The following PSTPIP2 variants were observed in gnomAD, a reference collection of about 807,000 sequenced individuals.
The protein encoded by PSTPIP2 is proline-serine-threonine phosphatase-interacting protein 2.
PSTPIP2 carries 33 observed loss-of-function variants against 63.3 expected under a neutral mutation model. The observed-to-expected ratio is 0.52, with a 90% CI of 0.40 to 0.70. PSTPIP2 has a LOEUF of 0.70. Ranked by LOEUF, PSTPIP2 falls within the 30% of genes least tolerant of loss-of-function variation. PSTPIP2 has a pLI of 0.00. For missense variants in PSTPIP2, 312 were observed against 400.7 expected (o/e 0.78, Z 1.89); for synonymous variants, 125 against 132.7 (o/e 0.94, Z 0.40).
intron 2 of PSTPIP2, among the ~76,000 whole-genome samples, chr18:46,033,591 A>T (rs1017681066): frequency 1.3e-5 from 2 of 151,566 alleles, no homozygotes; most frequent in African/African-American, 4.9e-5. Context: ...CCAGGTACTT[A>T]GGAGGCTGAG....
chr18:46,011,384 G>A, intron 4 of PSTPIP2, 97 bp from the exon 5 acceptor site: 1 of 961,182 alleles, frequency 1.0e-6, no homozygotes. Context: ...CAAAATACTG[G>A]AGTAAGTGGT....
chr18:45,993,667 A>T lies in PSTPIP2; in HGVS notation c.679T>A (p.Phe227Ile). Reference protein sequence around the residue: ...EAQECERINFFRNALWLHVNQ... With the variant: ...EAQECERINFIRNALWLHVNQ... ...ACATGTAACCACAATGCATTCCGGA[A>T]GAAGTTTATTCGTTCACATTCTTGA... The change falls in exon 10 of 15, where the codon TTC (phenylalanine) becomes ATC (isoleucine). Residue 227 changes from phenylalanine (F) to isoleucine (I), a missense_variant. Phe to Ile is a conservative substitution (Grantham distance 21). Coordinates refer to ENST00000409746, the MANE Select transcript of PSTPIP2 (RefSeq NM_024430.4). 2 of 1,614,202 alleles carry T rather than the reference A, an allele frequency of 1.2e-6. No homozygotes were observed. The highest frequency in any genetic ancestry group is 4.5e-5 in the East Asian group (2 of 44,880).
intron 1 of PSTPIP2, among the ~76,000 whole-genome samples, chr18:46,041,704 A>C (rs1325410482): frequency 6.6e-6 from 1 of 152,146 alleles, no homozygotes; most frequent in Non-Finnish European, 1.5e-5. Flanking sequence ...ATAACACTCC[A>C]AAGTGTCCCC....
chr18:46,015,814 C>G, intron 4 of PSTPIP2, 89 bp downstream of exon 4: 1 of 1,417,782 alleles, frequency 7.1e-7, no homozygotes, highest in Non-Finnish European at 9.7e-7. Flanking sequence ...CACTATGAAA[C>G]TGCTGTTCAA....
At chr18:46,065,915 T>A (rs1172043705) in intron 1 of PSTPIP2, among the ~76,000 whole-genome samples, 1 of 152,104 alleles carries the variant, frequency 6.6e-6, no homozygotes, top group African/African-American at 2.4e-5. Context: ...GTTACGATAT[T>A]TTAATTAAAG....
At chr18:46,033,656 C>A (rs560711199) in intron 2 of PSTPIP2, among the ~76,000 whole-genome samples, 2 of 150,276 alleles carry the variant, frequency 1.3e-5, no homozygotes, top group East Asian at 3.9e-4. Context: ...TGAGATCATG[C>A]CACTGAACTC....
At chr18:45,986,832 A>G (rs7240441) in intron 14 of PSTPIP2, among the ~76,000 whole-genome samples, 37,561 of 152,126 alleles carry the variant, frequency 0.25, 6,803 homozygotes, top group African/African-American at 0.5. Context: ...TTTAAATATA[A>G]TAGAAACCAG....
At position 45,983,716 on chromosome 18, in the gene PSTPIP2, AG is replaced by A. The variant is rs2051440041; in HGVS notation, c.*1742del. 6.6e-6 allele frequency: 1 copy of A among 152,248 alleles called. No homozygotes were observed. The highest frequency in any genetic ancestry group is 1.5e-5 in the Non-Finnish European group (1 of 68,044). The allele number at this position is 152,248 out of a possible 1,614,324, so 9.4% of individuals were successfully genotyped here. ...TTAAAATAGAATGTTCTGAGTGTAAAGGAACATTTCCTGAGCCCGTTCAGTT... is the reference window on the plus strand; with the variant it reads ...TTAAAATAGAATGTTCTGAGTGTAAAGAACATTTCCTGAGCCCGTTCAGTT... On this transcript the variant is annotated 3_prime_UTR_variant, in exon 15 of 15. Coordinates refer to ENST00000409746, the MANE Select transcript of PSTPIP2 (RefSeq NM_024430.4).
chr18:46,023,684 G>A (rs987242048), intron 3 of PSTPIP2, among the ~76,000 whole-genome samples: 4 of 151,632 alleles, frequency 2.6e-5, no homozygotes, highest in Non-Finnish European at 5.9e-5. Flanking sequence ...GTTTTACTTA[G>A]GATAGATATT....
intron 2 of PSTPIP2, chr18:46,029,836 TGGGCGC>T: frequency 2.4e-6 from 1 of 418,810 alleles, no homozygotes; most frequent in African/African-American, 2.1e-5. Context: ...CAAGGCCGGC[TGGGCGC>T]GGTGGCTCAC....
rs1342882547 is a variant in PSTPIP2 at position 45,991,971 on chromosome 18, T to C, written c.851A>G (p.Tyr284Cys). 5 of 1,613,238 alleles carry C rather than the reference T, an allele frequency of 3.1e-6. No individual in the cohort carries two copies. Among genetic ancestry groups the C allele is most frequent in the Non-Finnish European group, 3.4e-6 (4 of 1,179,318 alleles). Reference sequence around the variant, plus strand: ...CTTCTGGGAGGAGTAGAAATTCTCATACATGATGGGTGCTAGGAGAGTCAC... The same window carrying C: ...CTTCTGGGAGGAGTAGAAATTCTCACACATGATGGGTGCTAGGAGAGTCAC... ...TGQIPPAPIM[Y>C]ENFYSSQKNA... Residue 284 changes from tyrosine (Y) to cysteine (C), a missense_variant, in exon 12 of 15, where the codon TAT becomes TGT. Transcript: ENST00000409746.
chr18:46,025,142 G>A (rs1371021780), intron 2 of PSTPIP2, among the ~76,000 whole-genome samples: 2 of 152,080 alleles, frequency 1.3e-5, no homozygotes, highest in Non-Finnish European at 1.5e-5. Flanking sequence ...CAGCATTGCA[G>A]GGTCGGTCTC....
chr18:46,003,225 T>A lies in PSTPIP2; in HGVS notation c.417+2244A>T, dbSNP rs552592241. 6.6e-5 allele frequency among the ~76,000 whole-genome samples: 10 copies of A among 152,216 alleles called. No homozygotes were observed. In the East Asian group the frequency reaches 1.4e-3, roughly 21 times the overall value. On this transcript the variant is annotated intron_variant, in intron 6 of 14. Coordinates refer to ENST00000409746, the MANE Select transcript of PSTPIP2 (RefSeq NM_024430.4). ...AGACACCATCCCAGGAGGGAGAGGGTGTACATCATTATTTCCCGGTGCAGG... is the reference window on the plus strand; with the variant it reads ...AGACACCATCCCAGGAGGGAGAGGGAGTACATCATTATTTCCCGGTGCAGG...
At chr18:45,994,332 A>G (rs2051569796) in intron 9 of PSTPIP2, among the ~76,000 whole-genome samples, 1 of 152,238 alleles carries the variant, frequency 6.6e-6, no homozygotes, top group South Asian at 2.1e-4. Flanking sequence ...AATATTGAAT[A>G]CCATAGCTAT....
At position 46,010,971 on chromosome 18, in the gene PSTPIP2, T is replaced by C. The variant is rs542159514; in HGVS notation, c.354+210A>G. ...GAATGCAAGCTGGACCTCTGAATCC[T>C]ATGTGAACTTTAAAAAAGGACAACT... On this transcript the variant is annotated intron_variant, in intron 5 of 14. Transcript: ENST00000409746. 23 of 519,654 alleles carry C rather than the reference T, an allele frequency of 4.4e-5. No individual in the cohort carries two copies. In the South Asian group the frequency reaches 6.3e-4, roughly 14 times the overall value. The allele number at this position is 519,654 out of a possible 1,614,324, so 32.2% of individuals were successfully genotyped here. A position where few individuals can be genotyped will look rare whatever the true frequency, so the allele number is the denominator to read the frequency against.
At position 46,049,057 on chromosome 18, in the gene PSTPIP2, G is replaced by T. The variant is rs571463095; in HGVS notation, c.34-9010C>A. On this transcript the variant is annotated intron_variant, in intron 1 of 14. Transcript: ENST00000409746. Reference sequence around the variant, plus strand: ...GTGTGTGTGTGTGTGTGTGTGTGTGGAGAGAGAGAGAAGGAGAGAGAAAGG... The same window carrying T: ...GTGTGTGTGTGTGTGTGTGTGTGTGTAGAGAGAGAGAAGGAGAGAGAAAGG... Among the ~76,000 whole-genome samples, 31 of 142,858 alleles carry T rather than the reference G, an allele frequency of 2.2e-4. 1 individual carries two copies. Among genetic ancestry groups the T allele is most frequent in the African/African-American group, 3.9e-4 (15 of 38,708 alleles). 93.7% of individuals were successfully genotyped at this position (142,858 alleles called of 152,430 possible). A position where few individuals can be genotyped will look rare whatever the true frequency, so the allele number is the denominator to read the frequency against.
chr18:46,029,610 G>A lies in PSTPIP2; in HGVS notation c.135-4924C>T, dbSNP rs578185634. 3.8e-5 allele frequency: 29 copies of A among 768,084 alleles called. 1 individual carries two copies. The highest frequency in any genetic ancestry group is 9.7e-5 in the East Asian group (4 of 41,032). The allele number at this position is 768,084 out of a possible 1,614,324, so 47.6% of individuals were successfully genotyped here. ...ACCCAAAGCCAATGAAAGCTATAAT[G>A]AACTTGGTTACAGGTGTTAATTCTC... On this transcript the variant is annotated intron_variant, in intron 2 of 14. Coordinates refer to ENST00000409746, the MANE Select transcript of PSTPIP2 (RefSeq NM_024430.4).
intron 2 of PSTPIP2, among the ~76,000 whole-genome samples, chr18:46,038,636 C>T (rs937498768): frequency 2.6e-5 from 4 of 152,182 alleles, no homozygotes; most frequent in African/African-American, 9.7e-5. Context: ...AACTGGGTGT[C>T]AACACTGTCA....
intron 6 of PSTPIP2, among the ~76,000 whole-genome samples, chr18:46,004,178 T>C (rs748278611): frequency 2.6e-4 from 39 of 152,372 alleles, no homozygotes; most frequent in Admixed American, 2.6e-4. Flanking sequence ...ACTATTTCTG[T>C]ATTACACTGA....
Sources: allele counts gnomAD v4.1 joint callset (sites outside exome capture counted in the v4.1 genomes callset), GRCh38; gene constraint gnomAD v4.1.1; transcripts MANE v1.5; gene names NCBI Gene and HGNC (gene_info 2026-07-23, HGNC 2026-07-21).